The following SLC30A3 variants were observed in gnomAD, a reference collection of about 807,000 sequenced individuals.
SLC30A3 encodes solute carrier family 30 member 3, also known as probable proton-coupled zinc antiporter SLC30A3.
In SLC30A3, 20 loss-of-function variants were observed where a neutral mutation model predicts 35.6. The observed-to-expected ratio is 0.56, with a 90% CI of 0.39 to 0.82. The LOEUF is 0.82. Ranked by LOEUF, SLC30A3 falls within the 40% of genes least tolerant of loss-of-function variation. The pLI, the probability that SLC30A3 is intolerant of heterozygous loss-of-function variation, is 0.00. For missense variants in SLC30A3, 401 were observed against 530.6 expected (o/e 0.76, Z 2.40); for synonymous variants, 217 against 224.7 (o/e 0.97, Z 0.31).
intron 1 of SLC30A3, among the ~76,000 whole-genome samples, chr2:27,260,759 G>C (rs1173077304): frequency 6.6e-6 from 1 of 152,192 alleles, no homozygotes; most frequent in Non-Finnish European, 1.5e-5. Context: ...CTTGTACAGA[G>C]AACTGAAATA....
chr2:27,270,602 G>A (rs11899132), intron 1 of SLC30A3, among the ~76,000 whole-genome samples: 18,215 of 152,108 alleles, frequency 0.12, 3,145 homozygotes, highest in African/African-American at 0.39. Flanking sequence ...CATGTGCCTC[G>A]TGCTTTATTC....
At chr2:27,263,987 A>T (rs1221647221), upstream of SLC30A3, 1 of 1,266,440 alleles carries the variant, frequency 7.9e-7, no homozygotes, top group East Asian at 5.6e-5. Context: ...GGAAACTAAA[A>T]CCCAGGGGAG....
At position 27,263,001 on chromosome 2, in the gene SLC30A3, C is replaced by G. The variant is rs1031136157; in HGVS notation, c.-95G>C. 6 of 1,414,616 alleles carry G rather than the reference C, an allele frequency of 4.2e-6. No individual in the cohort carries two copies. The highest frequency in any genetic ancestry group is 5.5e-6 in the Non-Finnish European group (6 of 1,092,176). 87.6% of individuals were successfully genotyped at this position (1,414,616 alleles called of 1,614,324 possible). ...CGAGCAGCCCGCCGACCCCCGGGATCCCCGCAGGGCGGCGGGGCCACCAGA... is the reference window on the plus strand; with the variant it reads ...CGAGCAGCCCGCCGACCCCCGGGATGCCCGCAGGGCGGCGGGGCCACCAGA... On this transcript the variant is annotated 5_prime_UTR_variant, in exon 1 of 8. Transcript: ENST00000233535.
intron 1 of SLC30A3, among the ~76,000 whole-genome samples, chr2:27,270,290 A>G (rs1188142382): frequency 1.3e-5 from 2 of 152,182 alleles, no homozygotes; most frequent in African/African-American, 2.4e-5. Context: ...AACAGAGGAA[A>G]TGAGAGTGGT....
rs1676867796 is a variant in SLC30A3, at chr2:27,256,577, A to AC, written c.884-58dup. The AC allele has an allele frequency of 1.1e-5, 17 of 1,605,252 alleles. No homozygotes were observed. The East Asian group carries it at 3.6e-4, about 34-fold the overall frequency. ...AGGGCTACTCCTGCCCAGAAGCAGC[A>AC]CCCCCACCACTGGATTCCACCTCCC... On this transcript the variant is annotated intron_variant, in intron 6 of 7. Coordinates refer to ENST00000233535, the MANE Select transcript of SLC30A3 (RefSeq NM_003459.5).
upstream of SLC30A3, among the ~76,000 whole-genome samples, chr2:27,267,793 G>A (rs1677553673): frequency 6.6e-6 from 1 of 151,984 alleles, no homozygotes; most frequent in South Asian, 2.1e-4. Flanking sequence ...AAATAAGCCA[G>A]GCGTGGTGAC....
intron 1 of SLC30A3, among the ~76,000 whole-genome samples, chr2:27,273,239 GGGAACAACAT>G (rs1677811662): frequency 6.6e-6 from 1 of 151,802 alleles, no homozygotes; most frequent in Non-Finnish European, 1.5e-5. Context: ...TCCAGGCAGA[GGGAACAACAT>G]GGTCAAAGAC....
intron 1 of SLC30A3, among the ~76,000 whole-genome samples, chr2:27,270,826 T>A (rs1312225432): frequency 2.0e-5 from 3 of 151,768 alleles, no homozygotes; most frequent in Non-Finnish European, 4.4e-5. Flanking sequence ...CACAATTGGG[T>A]GGGTGGTGGT....
rs1572465045 is a variant in SLC30A3, at chr2:27,255,272, G to C, written c.*40C>G. The C allele has an allele frequency of 1.2e-6, 2 of 1,611,490 alleles. No homozygotes were observed. Among genetic ancestry groups the C allele is most frequent in the Non-Finnish European group, 1.7e-6 (2 of 1,178,606 alleles). On this transcript the variant is annotated 3_prime_UTR_variant, in exon 8 of 8. Coordinates refer to ENST00000233535, the MANE Select transcript of SLC30A3 (RefSeq NM_003459.5). The surrounding 1 kb of genome is among the most constrained non-coding windows in gnomAD (Gnocchi z 5.2). ...CAGCAGATGCTGAGAGTCTGGGGCT[G>C]AGCCTCGGCCTGGCAGTGGGGTGAG...
chr2:27,255,109 TCCCACCCCACTC>T lies in SLC30A3; in HGVS notation c.*191_*202del. ...AACTAGTCACATCTATTCCCCTGAC[TCCCACCCCACTC>T]CCCGCCACACTTTGGTCTTGCCCAC... On this transcript the variant is annotated 3_prime_UTR_variant, in exon 8 of 8. Coordinates refer to ENST00000233535, the MANE Select transcript of SLC30A3 (RefSeq NM_003459.5). This position sits in a 1 kb window ranked among gnomAD's most constrained non-coding sequence, Gnocchi z 5.2. 1 of 1,527,764 alleles carries T rather than the reference TCCCACCCCACTC, an allele frequency of 6.5e-7. No homozygotes were observed. The highest frequency in any genetic ancestry group is 1.4e-5 in the African/African-American group (1 of 73,134). The allele number at this position is 1,527,764 out of a possible 1,614,324, so 94.6% of individuals were successfully genotyped here.
upstream of SLC30A3, chr2:27,263,255 G>C: frequency 2.0e-6 from 1 of 500,354 alleles, no homozygotes; most frequent in African/African-American, 2.2e-5. Flanking sequence ...CCACAGCCCC[G>C]TCCCCCAGGC....
In SLC30A3 at chr2:27,271,075, T is replaced by G. The variant is rs905082195; in HGVS notation, c.-159+4102A>C. Among the ~76,000 whole-genome samples, 1 of 152,134 alleles carries G rather than the reference T, an allele frequency of 6.6e-6. No individual in the cohort carries two copies. The highest frequency in any genetic ancestry group is 1.5e-5 in the Non-Finnish European group (1 of 68,026). ...TCAATCCGCCTTTCTGGGCTGCACTTTCTTCAATTATAAAATGAAGGCGTT... is the reference window on the plus strand; with the variant it reads ...TCAATCCGCCTTTCTGGGCTGCACTGTCTTCAATTATAAAATGAAGGCGTT... On this transcript the variant is annotated intron_variant, in intron 1 of 5. Transcript: ENST00000424577. This position sits in a 1 kb window ranked among gnomAD's most constrained non-coding sequence, Gnocchi z 4.3.
chr2:27,268,709 C>T (rs1236473505), intron 1 of SLC30A3, among the ~76,000 whole-genome samples: 2 of 147,780 alleles, frequency 1.4e-5, no homozygotes, highest in South Asian at 4.2e-4. Context: ...GGTGACAGAG[C>T]GAGACTCTGT....
rs1284671482 is a variant in SLC30A3, at chr2:27,275,191, G to A, written c.-173C>T. On this transcript the variant is annotated 5_prime_UTR_variant, in exon 1 of 6. Transcript: ENST00000424577. ...AGCAGCCATACCTCTCATCCGCCAC[G>A]GTCAGCAAACCCATTGTGTTTCCTG... is the stretch of plus-strand genomic sequence containing the variant. 5 of 1,303,986 alleles carry A rather than the reference G, an allele frequency of 3.8e-6. No individual in the cohort carries two copies. In the African/African-American group the frequency reaches 7.6e-5, roughly 20 times the overall value. 80.8% of individuals were successfully genotyped at this position (1,303,986 alleles called of 1,614,324 possible). A position where few individuals can be genotyped will look rare whatever the true frequency, so the allele number is the denominator to read the frequency against.
rs536367668 is a variant in SLC30A3 at position 27,260,123 on chromosome 2, C to T, written c.96-1189G>A. ...TTGGTGTGCCTCCTTTCCAGGCCCACCTCCCAGAACCTCCACTCCTGGATC... is the reference window on the plus strand; with the variant it reads ...TTGGTGTGCCTCCTTTCCAGGCCCATCTCCCAGAACCTCCACTCCTGGATC... On this transcript the variant is annotated intron_variant, in intron 1 of 7. Coordinates refer to ENST00000233535, the MANE Select transcript of SLC30A3 (RefSeq NM_003459.5). Among the ~76,000 whole-genome samples the T allele has an allele frequency of 3.3e-4, 50 of 152,262 alleles. 1 individual carries two copies. The South Asian group carries it at 1.0e-2, about 30-fold the overall frequency.
chr2:27,254,906 A>T lies in SLC30A3; in HGVS notation c.*406T>A. The T allele has an allele frequency of 2.2e-6, 1 of 454,764 alleles. No homozygotes were observed. Among genetic ancestry groups the T allele is most frequent in the Non-Finnish European group, 3.6e-6 (1 of 277,146 alleles). The allele number at this position is 454,764 out of a possible 1,614,324, so 28.2% of individuals were successfully genotyped here. ...GAGGGGGCCCCTACTGACCTCCCCC[A>T]GGCATAGGCACACCAACAGCACATA... On this transcript the variant is annotated 3_prime_UTR_variant, in exon 8 of 8. Coordinates refer to ENST00000233535, the MANE Select transcript of SLC30A3 (RefSeq NM_003459.5).
rs560438888 is a variant in SLC30A3, at chr2:27,255,358, G to A, written c.1121C>T (p.Pro374Leu). 13 of 1,614,192 alleles carry A rather than the reference G, an allele frequency of 8.1e-6. No homozygotes were observed. Among genetic ancestry groups the A allele is most frequent in the Admixed American group, 3.3e-5 (2 of 60,024 alleles). ...SCTLQVEQYQ[P>L]EMAQCLRCQE... is the part of the protein sequence containing the mutation. ...GCAGCGCAGGCACTGGGCCATCTCC[G>A]GCTGATACTGCTCGACCTGCAGGGT... The change falls in exon 8 of 8, where the codon CCG becomes CTG. Residue 374 changes from proline to leucine, a missense_variant. This residue lies in a region of SLC30A3 where 296 missense variants were observed against 392.6 expected (regional missense o/e 0.75). Coordinates refer to ENST00000233535, the MANE Select transcript of SLC30A3 (RefSeq NM_003459.5). This position sits in a 1 kb window ranked among gnomAD's most constrained non-coding sequence, Gnocchi z 5.2.
chr2:27,263,228 T>A, upstream of SLC30A3: 3 of 650,346 alleles, frequency 4.6e-6, no homozygotes, highest in African/African-American at 1.9e-5. Context: ...ACCCGAGTTC[T>A]GGAGAACTCC....
chr2:27,255,398 C>A lies in SLC30A3; in HGVS notation c.1081G>T (p.Gly361Ter). Residue 361 changes from glycine (G) to a stop codon, truncating the protein, a stop_gained, in exon 8 of 8, where the codon GGA becomes TGA. Coordinates refer to ENST00000233535, the MANE Select transcript of SLC30A3 (RefSeq NM_003459.5). LOFTEE classifies it high-confidence loss of function. This position sits in a 1 kb window ranked among gnomAD's most constrained non-coding sequence, Gnocchi z 5.2. ...ACCTGCAGGGTGCAGCTGGAGAATC[C>A]AAACCGGGAGTAGAGCCGGGATGAG... ...EASSRLYSRF[G>*]FSSCTLQVEQ... is the part of the protein sequence containing the mutation. The A allele has an allele frequency of 6.2e-7, 1 of 1,614,118 alleles. No homozygotes were observed. The highest frequency in any genetic ancestry group is 8.5e-7 in the Non-Finnish European group (1 of 1,180,020).
Sources: allele counts gnomAD v4.1 joint callset (sites outside exome capture counted in the v4.1 genomes callset), GRCh38; gene constraint gnomAD v4.1.1; regional missense constraint gnomAD v4.1.1; non-coding constraint Gnocchi (gnomAD v3.1); transcripts MANE v1.5; gene names NCBI Gene and HGNC (gene_info 2026-07-23, HGNC 2026-07-21).